ESRRG: variants seen among roughly 807,000 people sequenced by gnomAD.
ESRRG encodes the protein estrogen-related receptor gamma.
A neutral mutation model predicts 44.0 loss-of-function variants in ESRRG; 13 were observed. That is an observed-to-expected ratio of 0.30 (90% CI 0.19 to 0.47). The LOEUF is 0.47. Ranked by LOEUF, ESRRG falls within the 20% of genes least tolerant of loss-of-function variation. The pLI, the probability that ESRRG is intolerant of heterozygous loss-of-function variation, is 1.00. For missense variants in ESRRG, 395 were observed against 580.6 expected (o/e 0.68, Z 3.29); for synonymous variants, 215 against 214.6 (o/e 1.00, Z -0.02).
chr1:216,546,407 C>G (rs938572538), intron 5 of ESRRG, among the ~76,000 whole-genome samples: 6 of 152,052 alleles, frequency 3.9e-5, no homozygotes, highest in Admixed American at 1.3e-4. Flanking sequence ...CCTCTATTTC[C>G]TAAACTTGTT....
intron 1 of ESRRG, among the ~76,000 whole-genome samples, chr1:216,960,103 C>G (rs1402995120): frequency 2.0e-5 from 3 of 151,176 alleles, no homozygotes; most frequent in African/African-American, 4.9e-5. Flanking sequence ...ATTTGAATTA[C>G]AAATAGAACA....
At chr1:217,110,449 A>G (rs553549534) in intron 1 of ESRRG, among the ~76,000 whole-genome samples, 3 of 152,112 alleles carry the variant, frequency 2.0e-5, no homozygotes, top group Non-Finnish European at 4.4e-5. Context: ...TTGCATTCCT[A>G]TAAGGAAATA....
intron 2 of ESRRG, among the ~76,000 whole-genome samples, chr1:216,792,364 C>T (rs2094345136): frequency 6.6e-6 from 1 of 152,100 alleles, no homozygotes; most frequent in African/African-American, 2.4e-5. Context: ...TCTTCCTGTC[C>T]CTCTAGCTAT....
chr1:216,793,250 T>A (rs2094375403), intron 2 of ESRRG, among the ~76,000 whole-genome samples: 1 of 152,160 alleles, frequency 6.6e-6, no homozygotes, highest in Non-Finnish European at 1.5e-5. Context: ...TTTCCCCCAA[T>A]GATTCCCCTA....
chr1:216,707,414 C>A (rs1021002776), intron 1 of ESRRG: 5 of 1,535,806 alleles, frequency 3.3e-6, no homozygotes, highest in African/African-American at 1.4e-5. Flanking sequence ...AGACCCCAAT[C>A]ACATTCTCGC....
chr1:216,963,010 T>G (rs1252287375), intron 1 of ESRRG, among the ~76,000 whole-genome samples: 1 of 152,188 alleles, frequency 6.6e-6, no homozygotes, highest in African/African-American at 2.4e-5. Context: ...CATATGACCC[T>G]GAACAAGTTC....
At chr1:216,627,834 A>G (rs1204108906) in intron 3 of ESRRG, among the ~76,000 whole-genome samples, 1 of 152,004 alleles carries the variant, frequency 6.6e-6, no homozygotes, top group African/African-American at 2.4e-5. Context: ...TTTTTCTTGT[A>G]CTGAATGACA....
intron 5 of ESRRG, among the ~76,000 whole-genome samples, chr1:216,544,558 G>A (rs1455157573): frequency 1.3e-5 from 2 of 151,910 alleles, no homozygotes; most frequent in Admixed American, 6.6e-5. Flanking sequence ...TTTCATGCAG[G>A]CTCCCTTACT....
intron 1 of ESRRG, among the ~76,000 whole-genome samples, chr1:216,720,154 A>G (rs2085903337): frequency 6.6e-6 from 1 of 152,112 alleles, no homozygotes; most frequent in African/African-American, 2.4e-5. Context: ...CATTTCAACT[A>G]TATATAGTTT....
At chr1:216,835,124 T>G (rs559467422) in intron 2 of ESRRG, among the ~76,000 whole-genome samples, 59 of 148,154 alleles carry the variant, frequency 4.0e-4, no homozygotes, top group African/African-American at 1.2e-3. Context: ...TAAGAGAACT[T>G]TGGCATGTAA....
At chr1:216,665,626 C>A (rs1002879324) in intron 2 of ESRRG, among the ~76,000 whole-genome samples, 3 of 151,966 alleles carry the variant, frequency 2.0e-5, no homozygotes, top group African/African-American at 4.8e-5. Context: ...TATTGCACAA[C>A]CATGAGCATA....
intron 1 of ESRRG, among the ~76,000 whole-genome samples, chr1:217,057,272 T>C (rs2087324870): frequency 6.6e-6 from 1 of 152,164 alleles, no homozygotes; most frequent in Non-Finnish European, 1.5e-5. Flanking sequence ...AAAAGGAAGT[T>C]CTGTGACGTT....
intron 2 of ESRRG, among the ~76,000 whole-genome samples, chr1:216,891,056 A>G (rs1194733414): frequency 1.3e-5 from 2 of 152,200 alleles, no homozygotes; most frequent in Non-Finnish European, 2.9e-5. Flanking sequence ...GAAAAAACAT[A>G]TGGACGCCCA....
intron 2 of ESRRG, among the ~76,000 whole-genome samples, chr1:216,760,897 A>C (rs2092731562): frequency 6.6e-6 from 1 of 152,102 alleles, no homozygotes; most frequent in South Asian, 2.1e-4. Flanking sequence ...CAGTTGTAAG[A>C]ATGTATAAGC....
intron 3 of ESRRG, among the ~76,000 whole-genome samples, chr1:216,624,315 G>A (rs191004697): frequency 2.0e-5 from 3 of 152,192 alleles, no homozygotes; most frequent in East Asian, 3.9e-4. Context: ...GATACTTAAC[G>A]GTGTCTAATA....
chr1:216,940,732 A>C (rs1387874010), intron 1 of ESRRG, among the ~76,000 whole-genome samples: 1 of 152,204 alleles, frequency 6.6e-6, no homozygotes, highest in Non-Finnish European at 1.5e-5. Context: ...TATTCACTAA[A>C]GACACCCTTC....
intron 5 of ESRRG, among the ~76,000 whole-genome samples, chr1:216,538,070 TC>T (rs1165087002): frequency 6.6e-6 from 1 of 152,086 alleles, no homozygotes; most frequent in Admixed American, 6.6e-5. Flanking sequence ...TCTAAGTATT[TC>T]TTTAATAACC....
At chr1:216,762,425 A>T (rs1428464435) in intron 2 of ESRRG, among the ~76,000 whole-genome samples, 1 of 151,822 alleles carries the variant, frequency 6.6e-6, no homozygotes, top group African/African-American at 2.4e-5. Context: ...TGAAATTGGA[A>T]ATCATCATTC....
At chr1:216,829,039 T>C (rs904422176) in intron 2 of ESRRG, among the ~76,000 whole-genome samples, 1 of 152,218 alleles carries the variant, frequency 6.6e-6, no homozygotes, top group Admixed American at 6.5e-5. Flanking sequence ...CATATGTATG[T>C]CTTTAAGTGA....
Sources: gnomAD v4.1 joint callset for allele counts (sites outside exome capture counted in the v4.1 genomes callset) on GRCh38, gnomAD v4.1.1 for gene constraint, MANE v1.5 for transcripts, NCBI Gene and HGNC (gene_info 2026-07-23, HGNC 2026-07-21) for gene names.